Variants in NXPH2 observed in about 807,000 individuals in gnomAD.
The protein encoded by NXPH2 is neurexophilin 2.
NXPH2 carries 5 observed loss-of-function variants against 19.8 expected under a neutral mutation model. The ratio of observed to expected loss-of-function variants is 0.25; its 90% CI spans 0.13 to 0.53. The LOEUF is 0.53. Ranked by LOEUF, NXPH2 falls within the 20% of genes least tolerant of loss-of-function variation. The probability of loss-of-function intolerance (pLI) is 0.96; values close to 1 mark genes in which losing one functional copy is unlikely to be tolerated. For missense variants in NXPH2, 289 were observed against 322.8 expected (o/e 0.90, Z 0.80); for synonymous variants, 154 against 127.4 (o/e 1.21, Z -1.41).
chr2:138,768,048 T>G (rs571333790), intron 1 of NXPH2, among the ~76,000 whole-genome samples: 1 of 152,230 alleles, frequency 6.6e-6, no homozygotes, highest in Non-Finnish European at 1.5e-5. Flanking sequence ...CTAATAATTA[T>G]TTATTGTTCC....
chr2:138,758,482 A>C lies in NXPH2; in HGVS notation c.51+21709T>G, dbSNP rs563021872. ...GCTCAAGGTCATCTAACTAATGGAC[A>C]GGAAGAACCAAGACTAAAGTTCAAT... On this transcript the variant is annotated intron_variant, in intron 1 of 1. Transcript: ENST00000272641. 3.3e-5 allele frequency among the ~76,000 whole-genome samples: 5 copies of C among 152,364 alleles called. No individual in the cohort carries two copies. The East Asian group carries it at 9.6e-4, about 29-fold the overall frequency.
intron 1 of NXPH2, among the ~76,000 whole-genome samples, chr2:138,703,326 C>T (rs1225656225): frequency 6.6e-6 from 1 of 152,188 alleles, no homozygotes; most frequent in Admixed American, 6.5e-5. Context: ...CGTCTCCCAG[C>T]TGTTGTTGAA....
chr2:138,699,754 C>A (rs1037335790), intron 1 of NXPH2, among the ~76,000 whole-genome samples: 3 of 152,120 alleles, frequency 2.0e-5, no homozygotes, highest in African/African-American at 7.2e-5. Flanking sequence ...CCTATTTGAT[C>A]CCAGCCAGCT....
chr2:138,682,871 A>G (rs1343719430), intron 1 of NXPH2, among the ~76,000 whole-genome samples: 2 of 152,214 alleles, frequency 1.3e-5, no homozygotes, highest in Non-Finnish European at 2.9e-5. Context: ...ACACACACAC[A>G]TGCATGCACG....
In NXPH2 at chr2:138,670,539, C is replaced by T. The variant is rs1391070211; in HGVS notation, c.*383G>A. 1.3e-5 allele frequency among the ~76,000 whole-genome samples: 2 copies of T among 152,186 alleles called. No individual in the cohort carries two copies. Among genetic ancestry groups the T allele is most frequent in the Non-Finnish European group, 2.9e-5 (2 of 68,030 alleles). On this transcript the variant is annotated 3_prime_UTR_variant, in exon 2 of 2. Transcript: ENST00000272641. ...ACCGCATCTGCTGTTTCTGCGGTAA[C>T]CTTCCAAAACATATTTCAAAGGCAG...
intron 1 of NXPH2, among the ~76,000 whole-genome samples, chr2:138,718,288 AAG>A (rs963698967): frequency 2.6e-5 from 4 of 152,208 alleles, no homozygotes; most frequent in South Asian, 2.1e-4. Flanking sequence ...AAAAATTTCT[AAG>A]AGAGAGAAAA....
At chr2:138,738,086 G>A (rs1314970269) in intron 1 of NXPH2, among the ~76,000 whole-genome samples, 3 of 135,246 alleles carry the variant, frequency 2.2e-5, no homozygotes, top group Non-Finnish European at 4.6e-5. Flanking sequence ...CCCACAACAG[G>A]CCCTGGTGTG....
At chr2:138,705,612 C>T (rs1680996362) in intron 1 of NXPH2, among the ~76,000 whole-genome samples, 1 of 152,184 alleles carries the variant, frequency 6.6e-6, no homozygotes, top group African/African-American at 2.4e-5. Context: ...CCAAGTTGGT[C>T]ATCCTGCCTG....
At chr2:138,701,868 A>C (rs2104982427) in intron 1 of NXPH2, among the ~76,000 whole-genome samples, 1 of 152,044 alleles carries the variant, frequency 6.6e-6, no homozygotes, top group East Asian at 1.9e-4. Flanking sequence ...AGGTGGGAAG[A>C]CTCTAGATAA....
rs545746162 is a variant in NXPH2 at position 138,716,860 on chromosome 2, T to A, written c.52-45195A>T. ...AATCACCTCATCTTTCTGGGGCTGC[T>A]TCCTCATGTTTAAAATTGAAGGGCA... On this transcript the variant is annotated intron_variant, in intron 1 of 1. Coordinates refer to ENST00000272641, the MANE Select transcript of NXPH2 (RefSeq NM_007226.3). 4.6e-5 allele frequency among the ~76,000 whole-genome samples: 7 copies of A among 152,316 alleles called. No individual in the cohort carries two copies. In the South Asian group the frequency reaches 1.2e-3, roughly 27 times the overall value.
In NXPH2 at chr2:138,741,259, A is replaced by C. The variant is rs1358221180; in HGVS notation, c.51+38932T>G. ...GTTAGTCCATGGCAGTATAATGTTC[A>C]GTTACTGTCTCTGGCCAAGCGACTG... On this transcript the variant is annotated intron_variant, in intron 1 of 1. Coordinates refer to ENST00000272641, the MANE Select transcript of NXPH2 (RefSeq NM_007226.3). Among the ~76,000 whole-genome samples the C allele has an allele frequency of 2.0e-5, 3 of 152,262 alleles. No individual in the cohort carries two copies. The East Asian group carries it at 5.8e-4, about 29-fold the overall frequency.
At chr2:138,678,601 T>C (rs1459514445) in intron 1 of NXPH2, among the ~76,000 whole-genome samples, 11 of 152,180 alleles carry the variant, frequency 7.2e-5, no homozygotes. Flanking sequence ...TATTTCTAAA[T>C]TATCCTGGCA....
chr2:138,751,144 C>A (rs1370690121), intron 1 of NXPH2, among the ~76,000 whole-genome samples: 3 of 151,072 alleles, frequency 2.0e-5, no homozygotes, highest in Non-Finnish European at 4.4e-5. Context: ...AATATATGCT[C>A]ATGAGAGCAA....
intron 1 of NXPH2, among the ~76,000 whole-genome samples, chr2:138,719,830 A>G (rs1019156894): frequency 3.3e-5 from 5 of 152,158 alleles, no homozygotes; most frequent in African/African-American, 9.6e-5. Flanking sequence ...AAACACTCTC[A>G]TTTTCATATT....
intron 1 of NXPH2, among the ~76,000 whole-genome samples, chr2:138,760,644 A>C (rs1202436242): frequency 6.6e-6 from 1 of 152,210 alleles, no homozygotes; most frequent in East Asian, 1.9e-4. Context: ...AAAAGTCCTT[A>C]GATGAGGCTT....
intron 1 of NXPH2, among the ~76,000 whole-genome samples, chr2:138,778,097 A>T (rs903939489): frequency 1.4e-4 from 22 of 152,126 alleles, no homozygotes; most frequent in Non-Finnish European, 2.2e-4. Context: ...TTCAATTTAG[A>T]TATGCTCAGC....
rs1305061617 is a variant in NXPH2, at chr2:138,742,883, T to C, written c.51+37308A>G. 2.6e-5 allele frequency among the ~76,000 whole-genome samples: 4 copies of C among 152,164 alleles called. No homozygotes were observed. The South Asian group carries it at 8.3e-4, about 32-fold the overall frequency. Reference sequence around the variant, plus strand: ...ACAATGGATTACATCACAATAGAGATATAGTCGTGATTAAAAATAACAACA... The same window carrying C: ...ACAATGGATTACATCACAATAGAGACATAGTCGTGATTAAAAATAACAACA... On this transcript the variant is annotated intron_variant, in intron 1 of 1. Transcript: ENST00000272641.
At chr2:138,756,709 G>GGCAGAA (rs929307814) in intron 1 of NXPH2, among the ~76,000 whole-genome samples, 1 of 152,104 alleles carries the variant, frequency 6.6e-6, no homozygotes, top group African/African-American at 2.4e-5. Flanking sequence ...CAACTCTATT[G>GGCAGAA]GCAGAAGCAG....
chr2:138,691,738 GA>G (rs1346676837), intron 1 of NXPH2, among the ~76,000 whole-genome samples: 10 of 152,170 alleles, frequency 6.6e-5, no homozygotes, highest in Admixed American at 2.6e-4. Context: ...GGGCCCAGAT[GA>G]GTGCAAACTG....
Sources: allele counts gnomAD v4.1 joint callset (sites outside exome capture counted in the v4.1 genomes callset), GRCh38; gene constraint gnomAD v4.1.1; transcripts MANE v1.5; gene names NCBI Gene and HGNC (gene_info 2026-07-23, HGNC 2026-07-21).